TMEM9B: variants seen among roughly 807,000 people sequenced by gnomAD.
The protein encoded by TMEM9B is TMEM9 domain family member B.
Under a neutral mutation model 23.5 loss-of-function variants are expected in TMEM9B, and 8 were observed. That is an observed-to-expected ratio of 0.34 (90% CI 0.20 to 0.61). The LOEUF is 0.61. TMEM9B is among the 20% of genes least tolerant of loss of function. The pLI, the probability that TMEM9B is intolerant of heterozygous loss-of-function variation, is 0.78. For synonymous variants in TMEM9B, 106 were observed against 96.3 expected (o/e 1.10, Z -0.59); for missense variants, 197 against 252.3 (o/e 0.78, Z 1.49).
In TMEM9B at chr11:8,964,236, C is replaced by T; in HGVS notation, c.78G>A (p.Leu26=). 6.3e-7 allele frequency: 1 copy of T among 1,592,132 alleles called. No homozygotes were observed. The highest frequency in any genetic ancestry group is 2.3e-5 in the East Asian group (1 of 43,804). Residue 26 remains leucine (L), a synonymous_variant, in exon 1 of 5, where the codon CTG becomes CTA. Transcript: ENST00000534025. ...SLSCLALSVL[L]LAQLSDAAKN... ...TGGCGGCGTCTGACAGCTGCGCCAGCAGCAGCACGGAAAGCGCCAGGCACG... is the reference window on the plus strand; with the variant it reads ...TGGCGGCGTCTGACAGCTGCGCCAGTAGCAGCACGGAAAGCGCCAGGCACG...
At position 8,964,363 on chromosome 11, in the gene TMEM9B, C is replaced by CGGCCCG; in HGVS notation, c.-51_-50insCGGGCC. 1 of 1,492,238 alleles carries CGGCCCG rather than the reference C, an allele frequency of 6.7e-7. No individual in the cohort carries two copies. Among genetic ancestry groups the CGGCCCG allele is most frequent in the South Asian group, 1.3e-5 (1 of 79,408 alleles). 92.4% of individuals were successfully genotyped at this position (1,492,238 alleles called of 1,614,324 possible). A position where few individuals can be genotyped will look rare whatever the true frequency, so the allele number is the denominator to read the frequency against. On this transcript the variant is annotated 5_prime_UTR_variant, in exon 1 of 5. Transcript: ENST00000534025. ...GCCCGGAGCCCCCGCGACCGGCTCC[C>CGGCCCG]GGCTCGGGCTCAGGCTCAGGCTCAG... is the stretch of plus-strand genomic sequence containing the variant.
At chr11:8,950,440 T>C (rs138823615) in intron 4 of TMEM9B, among the ~76,000 whole-genome samples, 1 of 152,178 alleles carries the variant, frequency 6.6e-6, no homozygotes. Flanking sequence ...GGAAGAAGGA[T>C]GTACTTGATC....
rs766273395 is a variant in TMEM9B, at chr11:8,956,264, G to A, written c.232C>T (p.Arg78Trp). The change falls in exon 3 of 5, where the codon CGG becomes TGG. Residue 78 changes from arginine (R) to tryptophan (W), a missense_variant. Arg to Trp is a moderately radical substitution (Grantham distance 101). Around this residue, in one of 2 missense-constraint regions of TMEM9B, gnomAD observed 141 missense variants for 214.1 expected, o/e 0.66. Transcript: ENST00000534025. ...CLHVVEPMPV[R>W]GPDVEAYCLR... is the part of the protein sequence containing the mutation. Reference sequence around the variant, plus strand: ...CAGTATGCTTCTACATCAGGCCCCCGCACAGGCATGGGCTCCACAACATGA... The same window carrying A: ...CAGTATGCTTCTACATCAGGCCCCCACACAGGCATGGGCTCCACAACATGA... 4.3e-6 allele frequency: 7 copies of A among 1,613,496 alleles called. No individual in the cohort carries two copies. Among genetic ancestry groups the A allele is most frequent in the East Asian group, 2.2e-5 (1 of 44,864 alleles).
In TMEM9B at chr11:8,953,319, G is replaced by A. The variant is rs747268054; in HGVS notation, c.325C>T (p.Leu109Phe). 18 of 1,613,618 alleles carry A rather than the reference G, an allele frequency of 1.1e-5. No homozygotes were observed. The highest frequency in any genetic ancestry group is 1.4e-5 in the Non-Finnish European group (17 of 1,179,890). ...VTIKVTIIIY[L>F]SILGLLLLYM... The stretch of plus-strand genomic sequence containing the variant: ...AGAAGTAGAAGGCCCAAAATGGAGA[G>A]ATAAATTATAATGGTAACCTAAAGG... Residue 109 changes from leucine to phenylalanine, a missense_variant, in exon 4 of 5, where the codon CTC becomes TTC. Coordinates refer to ENST00000534025, the MANE Select transcript of TMEM9B (RefSeq NM_020644.3).
At chr11:8,961,632 G>T (rs1053378519) in intron 2 of TMEM9B, among the ~76,000 whole-genome samples, 2 of 152,212 alleles carry the variant, frequency 1.3e-5, no homozygotes, top group Non-Finnish European at 2.9e-5. Context: ...TGACTACATA[G>T]CTCATTTCCA....
chr11:8,954,085 C>CTGATACA (rs1466421994), intron 3 of TMEM9B, among the ~76,000 whole-genome samples: 21 of 152,284 alleles, frequency 1.4e-4, no homozygotes, highest in African/African-American at 4.6e-4. Flanking sequence ...AAACGAAGTA[C>CTGATACA]TGATACATGC....
Position 8,948,044 on chromosome 11 carries a change from C to T in TMEM9B, c.*276G>A. 1 of 276,532 alleles carries T rather than the reference C, an allele frequency of 3.6e-6. No individual in the cohort carries two copies. The highest frequency in any genetic ancestry group is 6.8e-6 in the Non-Finnish European group (1 of 146,278). 17.1% of individuals were successfully genotyped at this position (276,532 alleles called of 1,614,324 possible). A position where few individuals can be genotyped will look rare whatever the true frequency, so the allele number is the denominator to read the frequency against. On this transcript the variant is annotated 3_prime_UTR_variant, in exon 5 of 5. Coordinates refer to ENST00000534025, the MANE Select transcript of TMEM9B (RefSeq NM_020644.3). ...GAGAGTGCTTGTTCCAGGTAAAGGACTTCAAGATAATTTACAGGCAGATTT... is the reference window on the plus strand; with the variant it reads ...GAGAGTGCTTGTTCCAGGTAAAGGATTTCAAGATAATTTACAGGCAGATTT...
At chr11:8,960,677 G>C (rs566528548) in intron 2 of TMEM9B, among the ~76,000 whole-genome samples, 3 of 151,448 alleles carry the variant, frequency 2.0e-5, no homozygotes, top group Admixed American at 1.3e-4. Context: ...AGATTTATTT[G>C]AACATTCTTT....
chr11:8,950,295 G>A (rs1853851743), intron 4 of TMEM9B, among the ~76,000 whole-genome samples: 1 of 152,146 alleles, frequency 6.6e-6, no homozygotes, highest in Non-Finnish European at 1.5e-5. Flanking sequence ...ACAGATTTTG[G>A]TCAGGTAGAT....
intron 2 of TMEM9B, among the ~76,000 whole-genome samples, chr11:8,958,664 A>C (rs1006134983): frequency 2.7e-5 from 4 of 148,890 alleles, no homozygotes; most frequent in Non-Finnish European, 3.0e-5. Flanking sequence ...CTCTTCCTCC[A>C]GGGTTCAAGT....
At chr11:8,949,809 C>T (rs1034513666) in intron 4 of TMEM9B, among the ~76,000 whole-genome samples, 1 of 151,642 alleles carries the variant, frequency 6.6e-6, no homozygotes, top group Non-Finnish European at 1.5e-5. Flanking sequence ...AATCCTAAAA[C>T]TCAAGTTATT....
intron 1 of TMEM9B, among the ~76,000 whole-genome samples, chr11:8,963,409 T>C (rs1854115458): frequency 6.6e-6 from 1 of 152,236 alleles, no homozygotes; most frequent in African/African-American, 2.4e-5. Context: ...AATGATGAGC[T>C]AGCTCATCAA....
chr11:8,963,768 C>G (rs1854123944), intron 1 of TMEM9B, among the ~76,000 whole-genome samples: 1 of 152,002 alleles, frequency 6.6e-6, no homozygotes, highest in African/African-American at 2.4e-5. Context: ...AAGGCTCTGT[C>G]AGATGGGGGC....
chr11:8,954,068 TA>T (rs1853930096), intron 3 of TMEM9B, among the ~76,000 whole-genome samples: 1 of 152,110 alleles, frequency 6.6e-6, no homozygotes, highest in Non-Finnish European at 1.5e-5. Context: ...TATTCAGCAA[TA>T]AAAAGAAACG....
At chr11:8,952,000 C>T (rs2316523) in intron 4 of TMEM9B, among the ~76,000 whole-genome samples, 90,155 of 151,444 alleles carry the variant, frequency 0.6, 27,155 homozygotes, top group East Asian at 0.77. Flanking sequence ...AACCAGCTAC[C>T]TGGGAGGCTG....
At chr11:8,962,254 T>C (rs1854095032) in intron 1 of TMEM9B, 71 bp from the exon 2 acceptor site, 4 of 1,002,256 alleles carry the variant, frequency 4.0e-6, no homozygotes, top group Non-Finnish European at 5.8e-6. Flanking sequence ...CTGTACCATA[T>C]ACATTTTGCC....
rs1156785909 is a variant in TMEM9B, at chr11:8,956,273, T to C, written c.223A>G (p.Met75Val). 1.2e-6 allele frequency: 2 copies of C among 1,613,608 alleles called. No homozygotes were observed. The highest frequency in any genetic ancestry group is 2.7e-5 in the African/African-American group (2 of 74,914). ...TCTACATCAGGCCCCCGCACAGGCA[T>C]GGGCTCCACAACATGAAGGCAATCA... ...DCDCLHVVEP[M>V]PVRGPDVEAY... Residue 75 changes from methionine to valine, a missense_variant, in exon 3 of 5, where the codon ATG becomes GTG. Transcript: ENST00000534025.
intron 1 of TMEM9B, among the ~76,000 whole-genome samples, chr11:8,962,486 G>C (rs1854098220): frequency 6.6e-6 from 1 of 152,092 alleles, no homozygotes; most frequent in South Asian, 2.1e-4. Flanking sequence ...CCATCTATCT[G>C]CCACTAGAAA....
intron 4 of TMEM9B, among the ~76,000 whole-genome samples, chr11:8,948,778 G>C (rs148421865): frequency 5.3e-4 from 80 of 152,262 alleles, no homozygotes; most frequent in Non-Finnish European, 7.6e-4. Flanking sequence ...GTGGTCATTT[G>C]TGTTAAAGAG....
Sources: gnomAD v4.1 joint callset for allele counts (sites outside exome capture counted in the v4.1 genomes callset) on GRCh38, gnomAD v4.1.1 for gene constraint, gnomAD v4.1.1 regional missense constraint, MANE v1.5 for transcripts, NCBI Gene and HGNC (gene_info 2026-07-23, HGNC 2026-07-21) for gene names.